Variants in ANLN observed in about 807,000 individuals in gnomAD.
The protein encoded by ANLN is anillin.
A neutral mutation model predicts 135.1 loss-of-function variants in ANLN; 59 were observed. The observed-to-expected ratio is 0.44, with a 90% CI of 0.35 to 0.54. The LOEUF (loss-of-function observed/expected upper bound fraction) is 0.54, where lower values mean the gene tolerates loss of function less well. Ranked by LOEUF, ANLN falls within the 20% of genes least tolerant of loss-of-function variation. The pLI, the probability that ANLN is intolerant of heterozygous loss-of-function variation, is 0.00. For missense variants in ANLN, 1,182 were observed against 1,340.0 expected, an observed-to-expected ratio of 0.88 and a Z score of 1.84; for synonymous variants, 406 against 456.4, an observed-to-expected ratio of 0.89 and a Z score of 1.41.
In ANLN at chr7:36,399,363, C is replaced by T. The variant is rs752586994; in HGVS notation, c.457C>T (p.Arg153Trp). Reference protein sequence around the residue: ...KTRMQKLAEQRRRWDNDDMTD... With the variant: ...KTRMQKLAEQWRRWDNDDMTD... ...ACGTATGCAAAAACTTGCAGAGCAA[C>T]GGCGCCGTTGGGATAATGATGATAT... Residue 153 changes from arginine (R) to tryptophan (W), a missense_variant, in exon 3 of 24, where the codon CGG becomes TGG. Arg to Trp is a moderately radical substitution (Grantham distance 101). This residue lies in a region of ANLN where 1,022 missense variants were observed against 1,134.0 expected (regional missense o/e 0.90). Transcript: ENST00000265748. 23 of 1,612,810 alleles carry T rather than the reference C, an allele frequency of 1.4e-5. No individual in the cohort carries two copies. The highest frequency in any genetic ancestry group is 6.6e-5 in the South Asian group (6 of 90,908).
chr7:36,406,634 G>T, intron 4 of ANLN, 68 bp downstream of exon 4: 2 of 1,349,274 alleles, frequency 1.5e-6, no homozygotes, highest in Non-Finnish European at 1.9e-6. Context: ...TAATACATCT[G>T]TGTGTATGTG....
chr7:36,438,455 T>C (rs1399985569), intron 20 of ANLN, among the ~76,000 whole-genome samples: 1 of 152,132 alleles, frequency 6.6e-6, no homozygotes, highest in Non-Finnish European at 1.5e-5. Context: ...CACTGCAACC[T>C]TAAACTTTTG....
chr7:36,425,987 T>G, intron 18 of ANLN, 28 bp from the exon 19 acceptor site: 2 of 1,490,244 alleles, frequency 1.3e-6, no homozygotes, highest in South Asian at 2.6e-5. Flanking sequence ...CTTATGTTTC[T>G]TCTTCACACC....
chr7:36,422,063 ATCT>A, intron 13 of ANLN, 71 bp downstream of exon 13: 1 of 1,531,016 alleles, frequency 6.5e-7, no homozygotes, highest in Non-Finnish European at 8.8e-7. Flanking sequence ...ATATTTAGAA[ATCT>A]TTAAGTTTAG....
intron 20 of ANLN, among the ~76,000 whole-genome samples, chr7:36,429,364 G>T (rs988102159): frequency 2.0e-5 from 3 of 152,062 alleles, no homozygotes; most frequent in Admixed American, 6.5e-5. Flanking sequence ...GGGATTACAG[G>T]CGTGCACCAC....
intron 14 of ANLN, among the ~76,000 whole-genome samples, 156 bp downstream of exon 14, chr7:36,422,965 CTT>C (rs1228264462): frequency 6.6e-6 from 1 of 150,444 alleles, no homozygotes; most frequent in African/African-American, 2.5e-5. Context: ...AATAAGAAAA[CTT>C]CAGATATATA....
chr7:36,404,931 A>G (rs1438802189), intron 3 of ANLN, among the ~76,000 whole-genome samples: 4 of 152,090 alleles, frequency 2.6e-5, no homozygotes, highest in Non-Finnish European at 5.9e-5. Flanking sequence ...TGAATTGTTT[A>G]TTTCTGGAAT....
intron 20 of ANLN, among the ~76,000 whole-genome samples, chr7:36,438,025 G>A (rs1214907467): frequency 2.0e-5 from 3 of 152,172 alleles, no homozygotes; most frequent in Non-Finnish European, 2.9e-5. Flanking sequence ...CTAACCTCAG[G>A]TGATTCACCC....
chr7:36,425,264 T>G (rs1015021641), intron 17 of ANLN, among the ~76,000 whole-genome samples: 110 of 152,122 alleles, frequency 7.2e-4, no homozygotes, highest in African/African-American at 2.5e-3. Flanking sequence ...AGGACTCATG[T>G]GTAATGTATT....
intron 3 of ANLN, among the ~76,000 whole-genome samples, chr7:36,404,476 C>T (rs902823904): frequency 6.6e-6 from 1 of 152,214 alleles, no homozygotes; most frequent in African/African-American, 2.4e-5. Context: ...CTTACACACA[C>T]TGTGGCCATA....
intron 3 of ANLN, among the ~76,000 whole-genome samples, chr7:36,403,908 G>A (rs141911600): frequency 0.087 from 13,229 of 152,218 alleles, 704 homozygotes; most frequent in Admixed American, 0.15. Context: ...CAATCCACCC[G>A]CCTTGGCCTC....
intron 4 of ANLN, among the ~76,000 whole-genome samples, chr7:36,406,796 G>C (rs990325508): frequency 6.6e-6 from 1 of 152,134 alleles, no homozygotes; most frequent in African/African-American, 2.4e-5. Context: ...ATACTAATTT[G>C]ATGCAAATCC....
Position 36,396,274 on chromosome 7 carries a change from G to T in ANLN, c.27G>T (p.Leu9=), listed in dbSNP as rs781030642. The change falls in exon 2 of 24, where the codon CTG becomes CTT. Residue 9 remains leucine (L), a synonymous_variant. Transcript: ENST00000265748. MDPFTEKL[L]ERTRARRENL... ...TATATTTATTTATGTAGAAACTGCT[G>T]GAGCGAACCCGTGCCAGGCGAGAGA... The T allele has an allele frequency of 9.4e-6, 15 of 1,592,876 alleles. No individual in the cohort carries two copies. The South Asian group carries it at 1.7e-4, about 18-fold the overall frequency.
chr7:36,411,543 G>C (rs920410792), intron 7 of ANLN, among the ~76,000 whole-genome samples: 3 of 152,106 alleles, frequency 2.0e-5, no homozygotes, highest in Admixed American at 6.5e-5. Flanking sequence ...TAGACTATCT[G>C]GGATCCTTTC....
Position 36,407,740 on chromosome 7 carries a change from A to ACTT in ANLN, c.883_885dup (p.Ser295dup), listed in dbSNP as rs61549495. 0.4 allele frequency: 644,612 copies of ACTT among 1,606,298 alleles called. 131,825 individuals carry two copies. The highest frequency in any genetic ancestry group is 0.59 in the East Asian group (26,230 of 44,730). Reference sequence around the variant, plus strand: ...AAGTGTTTTCATGTTTCAGAAAGCTACTTCTCCAGTGAAATCTACTACATC... The same window carrying ACTT: ...AAGTGTTTTCATGTTTCAGAAAGCTACTTCTTCTCCAGTGAAATCTACTACATC... On this transcript the variant is annotated inframe_insertion, in exon 5 of 24. Coordinates refer to ENST00000265748, the MANE Select transcript of ANLN (RefSeq NM_018685.5).
intron 3 of ANLN, among the ~76,000 whole-genome samples, chr7:36,399,910 C>G (rs1786868906): frequency 6.6e-6 from 1 of 151,696 alleles, no homozygotes; most frequent in Admixed American, 6.6e-5. Context: ...GGAAGGGGAA[C>G]CTGAGAAGTA....
Position 36,420,664 on chromosome 7 carries a change from C to A in ANLN, c.2083C>A (p.Arg695=), listed in dbSNP as rs375850531. ...ERPSIKQVIV[R]KEDVTSKLDE... is the part of the protein sequence containing the mutation. ...TCCATCAATAAAGCAGGTGATTGTT[C>A]GGAAGGAAGATGTTACTTCAAAACT... Residue 695 remains arginine, a synonymous_variant, in exon 12 of 24, where the codon CGG becomes AGG. Coordinates refer to ENST00000265748, the MANE Select transcript of ANLN (RefSeq NM_018685.5). 1.2e-6 allele frequency: 2 copies of A among 1,612,924 alleles called. No homozygotes were observed. The highest frequency in any genetic ancestry group is 1.1e-5 in the South Asian group (1 of 91,026).
At chr7:36,394,715 T>A (rs1230741829) in intron 1 of ANLN, among the ~76,000 whole-genome samples, 1 of 151,726 alleles carries the variant, frequency 6.6e-6, no homozygotes. Flanking sequence ...ATTGTTACTG[T>A]ATTTTAAGGA....
intron 5 of ANLN, among the ~76,000 whole-genome samples, 157 bp downstream of exon 5, chr7:36,408,113 A>G (rs1241766168): frequency 6.6e-6 from 1 of 152,202 alleles, no homozygotes; most frequent in Non-Finnish European, 1.5e-5. Context: ...GATTCAATGA[A>G]TATTTATTAA....
Sources: allele counts gnomAD v4.1 joint callset (sites outside exome capture counted in the v4.1 genomes callset), GRCh38; gene constraint gnomAD v4.1.1; regional missense constraint gnomAD v4.1.1; transcripts MANE v1.5; gene names NCBI Gene and HGNC (gene_info 2026-07-23, HGNC 2026-07-21).